DSCAM: variants seen among roughly 807,000 people sequenced by gnomAD.
DSCAM encodes cell adhesion molecule DSCAM.
Under a neutral mutation model 217.7 loss-of-function variants are expected in DSCAM, and 47 were observed. The ratio of observed to expected loss-of-function variants is 0.22; its 90% CI spans 0.17 to 0.28. The LOEUF (loss-of-function observed/expected upper bound fraction) is 0.28, where lower values mean the gene tolerates loss of function less well. DSCAM is among the 10% of genes least tolerant of loss of function. The probability of loss-of-function intolerance (pLI) is 1.00; values close to 1 mark genes in which losing one functional copy is unlikely to be tolerated. For synonymous variants in DSCAM, 1,056 were observed against 1,015.3 expected (o/e 1.04, Z -0.76); for missense variants, 2,080 against 2,618.3 (o/e 0.79, Z 4.49).
At chr21:40,773,235 C>A (rs2091461659) in intron 1 of DSCAM, among the ~76,000 whole-genome samples, 1 of 152,238 alleles carries the variant, frequency 6.6e-6, no homozygotes, top group African/African-American at 2.4e-5. Context: ...CCATAACAAA[C>A]TTCCACATGT....
chr21:40,410,731 CTG>C (rs1392457368), intron 3 of DSCAM, among the ~76,000 whole-genome samples: 3 of 149,012 alleles, frequency 2.0e-5, no homozygotes, highest in Non-Finnish European at 4.5e-5. Context: ...CAAAGAAAAA[CTG>C]TTGATATAGA....
At chr21:40,028,402 G>A (rs2146440332) in intron 32 of DSCAM, among the ~76,000 whole-genome samples, 1 of 149,430 alleles carries the variant, frequency 6.7e-6, no homozygotes, top group African/African-American at 2.5e-5. Flanking sequence ...AGGCTGCTTT[G>A]TTTACCTAAG....
At chr21:40,433,958 T>G (rs1281960611) in intron 3 of DSCAM, among the ~76,000 whole-genome samples, 1 of 152,220 alleles carries the variant, frequency 6.6e-6, no homozygotes, top group Non-Finnish European at 1.5e-5. Context: ...TTGGGCGATG[T>G]CACCTGAGGC....
intron 3 of DSCAM, among the ~76,000 whole-genome samples, chr21:40,644,500 T>G (rs1266438825): frequency 6.6e-6 from 1 of 152,170 alleles, no homozygotes. Flanking sequence ...GGCAAAACAG[T>G]AGTTTCCACC....
chr21:40,846,801 C>CCG lies in DSCAM; in HGVS notation c.-141_-140insCG. 2 of 202,742 alleles carry CCG rather than the reference C, an allele frequency of 9.9e-6. No individual in the cohort carries two copies. Among genetic ancestry groups the CCG allele is most frequent in the Non-Finnish European group, 1.7e-5 (2 of 117,256 alleles). 12.6% of individuals were successfully genotyped at this position (202,742 alleles called of 1,614,324 possible). On this transcript the variant is annotated 5_prime_UTR_variant, in exon 1 of 33. Transcript: ENST00000400454. Reference sequence around the variant, plus strand: ...CCGCCCGCCGCCGCCGCCGCCGCTGCCTAGCCGCCCGGGCACGCGGCGCGG... The same window carrying CCG: ...CCGCCCGCCGCCGCCGCCGCCGCTGCCGCTAGCCGCCCGGGCACGCGGCGCGG...
chr21:40,657,843 T>A (rs2090093132), intron 3 of DSCAM, among the ~76,000 whole-genome samples: 1 of 152,148 alleles, frequency 6.6e-6, no homozygotes, highest in Non-Finnish European at 1.5e-5. Flanking sequence ...TACCAGGGAA[T>A]GGAGAGTAAG....
At chr21:40,029,295 C>T (rs1394846407) in intron 32 of DSCAM, among the ~76,000 whole-genome samples, 1 of 152,174 alleles carries the variant, frequency 6.6e-6, no homozygotes, top group African/African-American at 2.4e-5. Flanking sequence ...CAGACATGCA[C>T]CCTAACACAG....
chr21:40,573,681 A>G (rs1223839624), intron 3 of DSCAM, among the ~76,000 whole-genome samples: 1 of 152,162 alleles, frequency 6.6e-6, no homozygotes, highest in Non-Finnish European at 1.5e-5. Flanking sequence ...AAATGAAAAC[A>G]CATAAAAGAA....
Position 40,276,133 on chromosome 21 carries a change from C to A in DSCAM, c.2320G>T (p.Ala774Ser). The change falls in exon 11 of 33, where the codon GCA becomes TCA. Residue 774 changes from alanine to serine, a missense_variant. Ala to Ser is a moderately conservative substitution (Grantham distance 99). This residue lies in a region of DSCAM where 218 missense variants were observed against 364.1 expected (regional missense o/e 0.60). Coordinates refer to ENST00000400454, the MANE Select transcript of DSCAM (RefSeq NM_001389.5). ...AGGTACATGGACTTGCTGACGTCTG[C>A]GCCCACATCGTTGCTGACCTTGCAG... ...YLCKVSNDVG[A>S]DVSKSMYLTV... 1 of 1,608,532 alleles carries A rather than the reference C, an allele frequency of 6.2e-7. No individual in the cohort carries two copies. The highest frequency in any genetic ancestry group is 8.5e-7 in the Non-Finnish European group (1 of 1,177,672).
chr21:40,585,030 C>T (rs1403038941), intron 3 of DSCAM, among the ~76,000 whole-genome samples: 1 of 151,960 alleles, frequency 6.6e-6, no homozygotes, highest in African/African-American at 2.4e-5. Flanking sequence ...ACCCTCCTCT[C>T]GCTCTTGCTT....
intron 3 of DSCAM, among the ~76,000 whole-genome samples, chr21:40,516,396 C>T (rs1350184095): frequency 6.6e-6 from 1 of 152,188 alleles, no homozygotes; most frequent in East Asian, 1.9e-4. Flanking sequence ...AGCAGCCTCC[C>T]TGGCTCCCCT....
chr21:40,793,984 T>C (rs936886474), intron 1 of DSCAM, among the ~76,000 whole-genome samples: 2 of 152,208 alleles, frequency 1.3e-5, no homozygotes, highest in Non-Finnish European at 1.5e-5. Context: ...GCGTTTCTGA[T>C]TTTTTAAAAA....
At chr21:40,468,904 A>C (rs915067129) in intron 3 of DSCAM, among the ~76,000 whole-genome samples, 16 of 152,176 alleles carry the variant, frequency 1.1e-4, no homozygotes, top group Non-Finnish European at 2.4e-4. Flanking sequence ...GCGGGAGAGA[A>C]AGGTGGAAAG....
At chr21:40,484,281 C>A (rs2076006939) in intron 3 of DSCAM, among the ~76,000 whole-genome samples, 1 of 152,208 alleles carries the variant, frequency 6.6e-6, no homozygotes, top group Non-Finnish European at 1.5e-5. Flanking sequence ...AATGCCCTAT[C>A]CAGTTCATCC....
chr21:40,317,343 C>T (rs2074208723), intron 8 of DSCAM, among the ~76,000 whole-genome samples: 1 of 152,230 alleles, frequency 6.6e-6, no homozygotes, highest in Non-Finnish European at 1.5e-5. Flanking sequence ...GGTTCCTCTA[C>T]TCACTCTTGT....
At chr21:40,515,934 TTC>T (rs1383989181) in intron 3 of DSCAM, among the ~76,000 whole-genome samples, 1 of 152,086 alleles carries the variant, frequency 6.6e-6, no homozygotes, top group Non-Finnish European at 1.5e-5. Context: ...CTACAAAACT[TTC>T]TTTTTTTTTC....
intron 3 of DSCAM, among the ~76,000 whole-genome samples, chr21:40,434,006 G>A (rs914495973): frequency 6.6e-6 from 1 of 152,214 alleles, no homozygotes; most frequent in Non-Finnish European, 1.5e-5. Context: ...CCTGGGAAGG[G>A]CCAGTGACTT....
At chr21:40,118,624 C>G (rs1158867199) in intron 20 of DSCAM, among the ~76,000 whole-genome samples, 1 of 152,174 alleles carries the variant, frequency 6.6e-6, no homozygotes, top group Admixed American at 6.6e-5. Context: ...GCAGAGAGCT[C>G]TTGTGACATG....
chr21:40,487,882 T>C (rs1406230687), intron 3 of DSCAM, among the ~76,000 whole-genome samples: 1 of 152,180 alleles, frequency 6.6e-6, no homozygotes, highest in Non-Finnish European at 1.5e-5. Flanking sequence ...GTAGCCAGCA[T>C]AGTGAAGAGG....
Sources: gnomAD v4.1 joint callset for allele counts (sites outside exome capture counted in the v4.1 genomes callset) on GRCh38, gnomAD v4.1.1 for gene constraint, gnomAD v4.1.1 regional missense constraint, MANE v1.5 for transcripts, NCBI Gene and HGNC (gene_info 2026-07-23, HGNC 2026-07-21) for gene names.